The following DCT variants were observed in gnomAD, a reference collection of about 807,000 sequenced individuals.
The protein encoded by DCT is L-dopachrome tautomerase.
DCT carries 47 observed loss-of-function variants against 53.0 expected under a neutral mutation model. The ratio of observed to expected loss-of-function variants is 0.89; its 90% CI spans 0.70 to 1.13. The LOEUF is 1.13. Ranked by LOEUF, DCT falls within the 50% of genes most tolerant of loss-of-function variation. The pLI is 0.00. For synonymous variants in DCT, 244 were observed against 237.0 expected, an observed-to-expected ratio of 1.03 and a Z score of -0.27; for missense variants, 669 against 637.4, an observed-to-expected ratio of 1.05 and a Z score of -0.53.
chr13:94,451,849 ATGT>A (rs1185588720), intron 6 of DCT, among the ~76,000 whole-genome samples: 2 of 152,118 alleles, frequency 1.3e-5, no homozygotes, highest in Non-Finnish European at 2.9e-5. Flanking sequence ...TTAAAAGAAA[ATGT>A]TGTATTTTGT....
intron 4 of DCT, 114 bp from the exon 5 acceptor site, chr13:94,462,303 T>C: frequency 1.3e-6 from 1 of 757,148 alleles, no homozygotes; most frequent in Non-Finnish European, 2.2e-6. Flanking sequence ...AGGCCAGGAG[T>C]TTGAGACCAG....
the DCT span, among the ~76,000 whole-genome samples, chr13:94,537,960 A>G: frequency 1.3e-3 from 200 of 152,346 alleles, 1 homozygote; most frequent in East Asian, 0.012. Context: ...TCATTCAACA[A>G]AAATGCATTG....
chr13:94,515,468 G>A, the DCT span, among the ~76,000 whole-genome samples: 5 of 152,192 alleles, frequency 3.3e-5, no homozygotes, highest in Non-Finnish European at 7.3e-5. Context: ...GAGAAGTAAA[G>A]TAAACACCAT....
At chr13:94,487,983 T>A in the DCT span, among the ~76,000 whole-genome samples, 1 of 152,172 alleles carries the variant, frequency 6.6e-6, no homozygotes, top group Admixed American at 6.6e-5. Flanking sequence ...CTTGAATGCA[T>A]TTTTTATAGT....
the DCT span, among the ~76,000 whole-genome samples, chr13:94,534,722 G>A: frequency 2.6e-5 from 4 of 152,242 alleles, no homozygotes; most frequent in Admixed American, 6.5e-5. Flanking sequence ...GATCTTCAAA[G>A]AGCAATCTGA....
At chr13:94,481,012 T>G (rs1283650834), upstream of DCT, among the ~76,000 whole-genome samples, 1 of 152,226 alleles carries the variant, frequency 6.6e-6, no homozygotes, top group Non-Finnish European at 1.5e-5. Context: ...GCACTCTCCC[T>G]GGAGACTCTA....
At chr13:94,535,193 T>C in the DCT span, among the ~76,000 whole-genome samples, 2 of 152,234 alleles carry the variant, frequency 1.3e-5, no homozygotes, top group Admixed American at 1.3e-4. Flanking sequence ...ATATACTATA[T>C]ACCTGTTTTC....
intron 1 of DCT, among the ~76,000 whole-genome samples, chr13:94,470,324 C>G (rs1309935462): frequency 1.3e-5 from 2 of 152,128 alleles, no homozygotes; most frequent in African/African-American, 4.8e-5. Context: ...GCACAAAGCT[C>G]CCTGCTTTCT....
chr13:94,529,126 C>T, the DCT span, among the ~76,000 whole-genome samples: 179 of 152,190 alleles, frequency 1.2e-3, no homozygotes, highest in Admixed American at 4.5e-3. Context: ...ACAGGAGCAC[C>T]CAGATTCATA....
At chr13:94,520,479 C>T in the DCT span, among the ~76,000 whole-genome samples, 2 of 152,174 alleles carry the variant, frequency 1.3e-5, no homozygotes, top group Admixed American at 1.3e-4. Context: ...TCCGACCCTG[C>T]GTCGAAGGGG....
Position 94,479,188 on chromosome 13 carries a change from C to G in DCT, c.68G>C (p.Gly23Ala), listed in dbSNP as rs1594332140. ...CGTCATGCAGACTCGGGGGAACTGACCCTGGGCTCCTGGCAGGATTTTGCA... is the reference window on the plus strand; with the variant it reads ...CGTCATGCAGACTCGGGGGAACTGAGCCTGGGCTCCTGGCAGGATTTTGCA... ...LGCKILPGAQ[G>A]QFPRVCMTVD... is the part of the protein sequence containing the mutation. The change falls in exon 1 of 8, where the codon GGT becomes GCT. Residue 23 changes from glycine to alanine, a missense_variant. Physicochemically the swap from Gly to Ala is moderately conservative, Grantham distance 60 (BLOSUM62 0). Coordinates refer to ENST00000377028, the MANE Select transcript of DCT (RefSeq NM_001922.5). The G allele has an allele frequency of 6.2e-7, 1 of 1,610,326 alleles. No homozygotes were observed. The highest frequency in any genetic ancestry group is 2.2e-5 in the East Asian group (1 of 44,742).
At chr13:94,539,294 A>G in the DCT span, among the ~76,000 whole-genome samples, 12 of 152,188 alleles carry the variant, frequency 7.9e-5, no homozygotes, top group African/African-American at 2.2e-4. Context: ...TATTAGCTTA[A>G]ACTATGGAAA....
At chr13:94,473,125 CA>C (rs1468991657) in intron 1 of DCT, among the ~76,000 whole-genome samples, 2 of 152,070 alleles carry the variant, frequency 1.3e-5, no homozygotes, top group African/African-American at 4.8e-5. Context: ...CTAGTGAATA[CA>C]AATACAGATG....
chr13:94,502,427 G>C, the DCT span, among the ~76,000 whole-genome samples: 1 of 152,156 alleles, frequency 6.6e-6, no homozygotes, highest in Admixed American at 6.5e-5. Flanking sequence ...ATAGTTCTCG[G>C]CTTACTTTCC....
chr13:94,508,684 A>G, the DCT span, among the ~76,000 whole-genome samples: 2 of 152,136 alleles, frequency 1.3e-5, no homozygotes, highest in African/African-American at 4.8e-5. Context: ...GGGGGATTCG[A>G]ATTGTTGTGT....
At chr13:94,490,504 CAAAAAAAAAA>C in the DCT span, among the ~76,000 whole-genome samples, 555 of 35,514 alleles carry the variant, frequency 0.016, 13 homozygotes, top group African/African-American at 0.054. Flanking sequence ...GACTCGGTCT[CAAAAAAAAAA>C]AAAAAAAAAA....
In DCT at chr13:94,479,383, T is replaced by C; in HGVS notation, c.-128A>G. 1 of 914,608 alleles carries C rather than the reference T, an allele frequency of 1.1e-6. No individual in the cohort carries two copies. The highest frequency in any genetic ancestry group is 1.6e-6 in the Non-Finnish European group (1 of 623,274). The allele number at this position is 914,608 out of a possible 1,614,324, so 56.7% of individuals were successfully genotyped here. On this transcript the variant is annotated 5_prime_UTR_variant, in exon 1 of 8. Coordinates refer to ENST00000377028, the MANE Select transcript of DCT (RefSeq NM_001922.5). ...TTTATTTTTCTTTGCTTTCTATTCC[T>C]TTCTTCTTAAAAAAATACCCACAAG...
At chr13:94,496,242 G>A in the DCT span, among the ~76,000 whole-genome samples, 1 of 152,040 alleles carries the variant, frequency 6.6e-6, no homozygotes, top group Non-Finnish European at 1.5e-5. Flanking sequence ...TCACTGGGCT[G>A]GAGTACAGTG....
In DCT at chr13:94,438,756, A is replaced by C; in HGVS notation, c.*1142T>G. On this transcript the variant is annotated 3_prime_UTR_variant, in exon 8 of 8. Transcript: ENST00000377028. Reference sequence around the variant, plus strand: ...TCATGATCTGATGATTGCATAGCAGAATATAACCACTTAATTCTGAATTGT... The same window carrying C: ...TCATGATCTGATGATTGCATAGCAGCATATAACCACTTAATTCTGAATTGT... 1 of 417,176 alleles carries C rather than the reference A, an allele frequency of 2.4e-6. No homozygotes were observed. The highest frequency in any genetic ancestry group is 1.8e-5 in the South Asian group (1 of 56,298). The allele number at this position is 417,176 out of a possible 1,614,324, so 25.8% of individuals were successfully genotyped here.
Sources: gnomAD v4.1 joint callset for allele counts (sites outside exome capture counted in the v4.1 genomes callset) on GRCh38, gnomAD v4.1.1 for gene constraint, MANE v1.5 for transcripts, NCBI Gene and HGNC (gene_info 2026-07-23, HGNC 2026-07-21) for gene names.